NUP133: variants seen among roughly 807,000 people sequenced by gnomAD.
NUP133 encodes nuclear pore complex protein Nup133.
A neutral mutation model predicts 146.2 loss-of-function variants in NUP133; 66 were observed. That is an observed-to-expected ratio of 0.45 (90% CI 0.37 to 0.55). The LOEUF (loss-of-function observed/expected upper bound fraction) is 0.55. NUP133 is among the 20% of genes least tolerant of loss of function. The probability of loss-of-function intolerance (pLI) is 0.00; values close to 1 mark genes in which losing one functional copy is unlikely to be tolerated. For synonymous variants in NUP133, 521 were observed against 498.8 expected, an observed-to-expected ratio of 1.04 and a Z score of -0.59; for missense variants, 1,277 against 1,374.8, an observed-to-expected ratio of 0.93 and a Z score of 1.12.
chr1:229,503,768 T>C (rs1661864887), intron 2 of NUP133, among the ~76,000 whole-genome samples: 1 of 152,200 alleles, frequency 6.6e-6, no homozygotes, highest in South Asian at 2.1e-4. Context: ...AAGGGCTGAC[T>C]TAACAGTAGT....
chr1:229,446,350 G>A (rs568800719), intron 24 of NUP133, among the ~76,000 whole-genome samples: 7 of 152,022 alleles, frequency 4.6e-5, no homozygotes, highest in South Asian at 4.2e-4. Context: ...CGGAGGTTGC[G>A]GCGAGCCGAG....
chr1:229,501,964 C>T, intron 3 of NUP133, 35 bp downstream of exon 3: 3 of 1,467,000 alleles, frequency 2.0e-6, no homozygotes, highest in Non-Finnish European at 2.9e-6. Context: ...CATTCCTCTC[C>T]TCTATCTTGT....
In NUP133 at chr1:229,502,727, A is replaced by G. The variant is rs576314290; in HGVS notation, c.302-625T>C. Among the ~76,000 whole-genome samples, 10 of 151,428 alleles carry G rather than the reference A, an allele frequency of 6.6e-5. No homozygotes were observed. The South Asian group carries it at 1.5e-3, about 22-fold the overall frequency. ...CAGTGGCTCATGCTTATAAATCCCA[A>G]TATTTTGGGAGGCCACCCTGGGAGG... On this transcript the variant is annotated intron_variant, in intron 2 of 25. Coordinates refer to ENST00000261396, the MANE Select transcript of NUP133 (RefSeq NM_018230.3).
intron 10 of NUP133, 102 bp downstream of exon 10, chr1:229,487,364 T>C (rs1661379693): frequency 3.4e-6 from 4 of 1,175,042 alleles, no homozygotes; most frequent in Non-Finnish European, 4.9e-6. Flanking sequence ...TCAGAAACAT[T>C]TGAAAGCAGC....
chr1:229,487,643 CA>C, intron 9 of NUP133, 30 bp from the exon 10 acceptor site: 1 of 1,531,344 alleles, frequency 6.5e-7, no homozygotes, highest in Non-Finnish European at 8.8e-7. Context: ...TTACATTTAA[CA>C]AGAAGTAAAA....
At chr1:229,507,637 T>C (rs1661978351) in intron 1 of NUP133, among the ~76,000 whole-genome samples, 1 of 152,236 alleles carries the variant, frequency 6.6e-6, no homozygotes. Flanking sequence ...CATTAAACAA[T>C]GATCTTTCAG....
At chr1:229,442,768 C>T (rs1461992364) in intron 25 of NUP133, among the ~76,000 whole-genome samples, 5 of 148,072 alleles carry the variant, frequency 3.4e-5, no homozygotes, top group African/African-American at 5.0e-5. Flanking sequence ...GGCAATGGCG[C>T]GATCTCGGCT....
rs556504947 is a variant in NUP133, at chr1:229,440,379, C to G, written c.*1525G>C. ...AGAGGGAGCTTTTTCTTCCCTTGAA[C>G]AGGATGACTCTACTTCACACGGTAA... On this transcript the variant is annotated 3_prime_UTR_variant, in exon 26 of 26. Coordinates refer to ENST00000261396, the MANE Select transcript of NUP133 (RefSeq NM_018230.3). The G allele has an allele frequency of 6.6e-6, 1 of 152,120 alleles. No individual in the cohort carries two copies. The highest frequency in any genetic ancestry group is 1.5e-5 in the Non-Finnish European group (1 of 68,048). The allele number at this position is 152,120 out of a possible 1,614,324, so 9.4% of individuals were successfully genotyped here.
chr1:229,491,197 C>A (rs2102778346), intron 8 of NUP133, among the ~76,000 whole-genome samples: 1 of 152,222 alleles, frequency 6.6e-6, no homozygotes, highest in Middle Eastern at 3.4e-3. Flanking sequence ...TTTCATGATA[C>A]CATTGGTGAA....
At chr1:229,458,139 C>G (rs368033331) in intron 21 of NUP133, 22 bp downstream of exon 21, 1 of 1,602,958 alleles carries the variant, frequency 6.2e-7, no homozygotes, top group Non-Finnish European at 8.5e-7. Context: ...ATTTGTAAAT[C>G]CTTTTGCTCA....
chr1:229,482,290 T>A (rs531026610), intron 12 of NUP133, among the ~76,000 whole-genome samples: 2 of 152,078 alleles, frequency 1.3e-5, no homozygotes, highest in South Asian at 4.2e-4. Context: ...CCAGTATGAG[T>A]GGGATTATGG....
chr1:229,476,828 G>A (rs768771354), intron 13 of NUP133, among the ~76,000 whole-genome samples: 1 of 151,932 alleles, frequency 6.6e-6, no homozygotes, highest in East Asian at 1.9e-4. Context: ...GGAGGCTGAG[G>A]TGGGAGTATC....
At chr1:229,447,499 T>A (rs1660326933) in intron 24 of NUP133, among the ~76,000 whole-genome samples, 1 of 151,918 alleles carries the variant, frequency 6.6e-6, no homozygotes, top group Non-Finnish European at 1.5e-5. Flanking sequence ...TTGAGTTGGC[T>A]GACAGCTGGC....
At chr1:229,463,103 T>C (rs984858466) in intron 19 of NUP133, among the ~76,000 whole-genome samples, 12 of 152,220 alleles carry the variant, frequency 7.9e-5, no homozygotes, top group Non-Finnish European at 1.5e-4. Context: ...ATATAAAGAA[T>C]TGTGTGGTCA....
intron 2 of NUP133, among the ~76,000 whole-genome samples, chr1:229,503,701 GT>G (rs1471010492): frequency 1.3e-5 from 2 of 152,234 alleles, no homozygotes; most frequent in Non-Finnish European, 2.9e-5. Context: ...TATCTGCTCA[GT>G]AATTTTCTTT....
At chr1:229,495,688 T>C in intron 7 of NUP133, 123 bp from the exon 8 acceptor site, 1 of 755,480 alleles carries the variant, frequency 1.3e-6, no homozygotes, top group Non-Finnish European at 2.0e-6. Context: ...ATGTATACAT[T>C]AAAAAAAAAA....
chr1:229,460,334 T>C (rs1026942840), intron 20 of NUP133, among the ~76,000 whole-genome samples: 2 of 152,170 alleles, frequency 1.3e-5, no homozygotes, highest in African/African-American at 4.8e-5. Flanking sequence ...TAGCTGGGAC[T>C]ACAGGTGTGT....
At chr1:229,489,934 T>C in intron 9 of NUP133, 21 bp downstream of exon 9, 2 of 1,544,338 alleles carry the variant, frequency 1.3e-6, no homozygotes, top group Non-Finnish European at 8.8e-7. Flanking sequence ...TGCTTTGTAA[T>C]TTAACCAATA....
At chr1:229,492,476 C>A (rs1275970354) in intron 8 of NUP133, among the ~76,000 whole-genome samples, 9 of 152,068 alleles carry the variant, frequency 5.9e-5, no homozygotes, top group Admixed American at 5.9e-4. Context: ...CTACTGACAA[C>A]TAAAAATAAG....
Sources: gnomAD v4.1 joint callset for allele counts (sites outside exome capture counted in the v4.1 genomes callset) on GRCh38, gnomAD v4.1.1 for gene constraint, MANE v1.5 for transcripts, NCBI Gene and HGNC (gene_info 2026-07-23, HGNC 2026-07-21) for gene names.